Variants in TRIM14 observed in about 807,000 individuals in gnomAD.
The protein encoded by TRIM14 is tripartite motif containing 14.
Under a neutral mutation model 44.5 loss-of-function variants are expected in TRIM14, and 28 were observed. That is an observed-to-expected ratio of 0.63 (90% CI 0.47 to 0.86). The LOEUF (loss-of-function observed/expected upper bound fraction) is 0.86, where lower values mean the gene tolerates loss of function less well. Ranked by LOEUF, TRIM14 falls within the 40% of genes least tolerant of loss-of-function variation. The pLI is 0.00. For synonymous variants in TRIM14, 299 were observed against 269.2 expected (o/e 1.11, Z -1.08); for missense variants, 607 against 611.1 (o/e 0.99, Z 0.07).
downstream of TRIM14, chr9:98,081,095 G>A (rs202230898): frequency 3.2e-5 from 52 of 1,613,764 alleles, no homozygotes; most frequent in Admixed American, 8.3e-5. Flanking sequence ...GTGTCCTGCC[G>A]GACTCTACTC....
In TRIM14 at chr9:98,118,964, C is replaced by G. The variant is rs750495612; in HGVS notation, c.207+18G>C. On this transcript the variant is annotated intron_variant, in intron 1 of 5. Transcript: ENST00000341469. ...CCCCCAACTCCCGCGCGGCGAACCC[C>G]GTCCCCATCGTCCCCACCTGCACGT... is the stretch of plus-strand genomic sequence containing the variant. The G allele has an allele frequency of 2.1e-5, 31 of 1,508,602 alleles. No individual in the cohort carries two copies. The East Asian group carries it at 3.3e-4, about 16-fold the overall frequency. 93.5% of individuals were successfully genotyped at this position (1,508,602 alleles called of 1,614,324 possible). A position where few individuals can be genotyped will look rare whatever the true frequency, so the allele number is the denominator to read the frequency against.
the TRIM14 span, among the ~76,000 whole-genome samples, chr9:98,057,924 T>TTG: frequency 7.5e-6 from 1 of 133,684 alleles, no homozygotes; most frequent in Admixed American, 7.6e-5. Flanking sequence ...TTTTCCTGGT[T>TTG]TTTTTTTTTT....
chr9:98,075,185 C>T (rs985643015), intron 6 of TRIM14: 1 of 151,696 alleles, frequency 6.6e-6, no homozygotes, highest in Admixed American at 6.6e-5. Context: ...TGTGGTGGCA[C>T]GTGCTTGTGG....
the TRIM14 span, chr9:98,060,863 A>T: frequency 6.2e-7 from 1 of 1,614,164 alleles, no homozygotes; most frequent in East Asian, 2.2e-5. Context: ...GAGGCCATAC[A>T]CCTCGAAGCA....
At chr9:98,106,121 C>T (rs1055482682) in intron 2 of TRIM14, among the ~76,000 whole-genome samples, 3 of 152,148 alleles carry the variant, frequency 2.0e-5, no homozygotes, top group Non-Finnish European at 4.4e-5. Flanking sequence ...GTGTATTGGA[C>T]ATCTATGGTA....
At chr9:98,068,966 T>A (rs114971773), downstream of TRIM14, among the ~76,000 whole-genome samples, 2,257 of 152,340 alleles carry the variant, frequency 0.015, 59 homozygotes, top group African/African-American at 0.05. Flanking sequence ...CCTTCTTTTT[T>A]AAACAGCTTT....
At chr9:98,070,298 A>G (rs1475539687) in intron 6 of TRIM14, among the ~76,000 whole-genome samples, 1 of 151,854 alleles carries the variant, frequency 6.6e-6, no homozygotes, top group African/African-American at 2.4e-5. Flanking sequence ...TTGTATTTTT[A>G]GTAGAGACGG....
intron 3 of TRIM14, among the ~76,000 whole-genome samples, chr9:98,098,494 G>A (rs1290250207): frequency 6.6e-6 from 1 of 151,940 alleles, no homozygotes; most frequent in Non-Finnish European, 1.5e-5. Context: ...GGCGGATCAC[G>A]AGGTCAGGAG....
At chr9:98,104,546 A>G (rs1826531171) in intron 2 of TRIM14, among the ~76,000 whole-genome samples, 1 of 150,702 alleles carries the variant, frequency 6.6e-6, no homozygotes, top group Non-Finnish European at 1.5e-5. Flanking sequence ...GGAAGGGGAG[A>G]GAGAGAGAGA....
intron 2 of TRIM14, among the ~76,000 whole-genome samples, chr9:98,106,512 A>T (rs1273379843): frequency 6.6e-6 from 1 of 152,202 alleles, no homozygotes; most frequent in Non-Finnish European, 1.5e-5. Flanking sequence ...GGGTGGCAAT[A>T]TCTTTCTAAT....
chr9:98,035,858 A>T, the TRIM14 span, among the ~76,000 whole-genome samples: 1 of 152,148 alleles, frequency 6.6e-6, no homozygotes, highest in Admixed American at 6.6e-5. Context: ...TCGCTGTCAT[A>T]TTTTCTCTTC....
the TRIM14 span, among the ~76,000 whole-genome samples, chr9:98,049,048 A>T: frequency 1.3e-3 from 200 of 151,594 alleles, no homozygotes; most frequent in African/African-American, 4.5e-3. Flanking sequence ...AGGAATAAAG[A>T]GTGGCTATTC....
chr9:98,061,644 G>A, the TRIM14 span, among the ~76,000 whole-genome samples: 1 of 150,480 alleles, frequency 6.6e-6, no homozygotes, highest in Non-Finnish European at 1.5e-5. Flanking sequence ...GCTGGGCGTG[G>A]TGGCATGCGT....
chr9:98,067,835 C>T (rs1587910831), downstream of TRIM14, among the ~76,000 whole-genome samples: 1 of 78,894 alleles, frequency 1.3e-5, no homozygotes, highest in Non-Finnish European at 2.2e-5. Context: ...AATCCTCCCA[C>T]CTCAGCCTCC....
chr9:98,056,348 C>T, the TRIM14 span, among the ~76,000 whole-genome samples: 1 of 152,002 alleles, frequency 6.6e-6, no homozygotes, highest in African/African-American at 2.4e-5. Context: ...TGGACTCGAT[C>T]CAGCTCTGTG....
chr9:98,106,974 G>A (rs1398757457), intron 2 of TRIM14, among the ~76,000 whole-genome samples: 4 of 152,002 alleles, frequency 2.6e-5, no homozygotes, highest in African/African-American at 4.8e-5. Context: ...CTACAGGCAT[G>A]TGCCACCATA....
chr9:98,103,990 G>A (rs1348866202), intron 2 of TRIM14, among the ~76,000 whole-genome samples: 2 of 152,188 alleles, frequency 1.3e-5, no homozygotes, highest in Non-Finnish European at 2.9e-5. Flanking sequence ...GACAGCATGT[G>A]GTTTGGCAGC....
At chr9:98,062,802 CAG>C in the TRIM14 span, among the ~76,000 whole-genome samples, 2 of 120,268 alleles carry the variant, frequency 1.7e-5, no homozygotes, top group Non-Finnish European at 3.4e-5. Flanking sequence ...TTTTTTGAGA[CAG>C]AGTCTCAAAA....
At chr9:98,051,653 G>C in the TRIM14 span, among the ~76,000 whole-genome samples, 4 of 152,134 alleles carry the variant, frequency 2.6e-5, no homozygotes, top group African/African-American at 9.7e-5. Context: ...TTTAACCCAT[G>C]ATGTGGGTTA....
Sources: allele counts gnomAD v4.1 joint callset (sites outside exome capture counted in the v4.1 genomes callset), GRCh38; gene constraint gnomAD v4.1.1; transcripts MANE v1.5; gene names NCBI Gene and HGNC (gene_info 2026-07-23, HGNC 2026-07-21).